The following PRELID2 variants were observed in gnomAD, a reference collection of about 807,000 sequenced individuals.
PRELID2 encodes PRELI domain containing 2.
In PRELID2, 25 loss-of-function variants were observed where a neutral mutation model predicts 28.4. The observed-to-expected ratio is 0.88, with a 90% CI of 0.64 to 1.23. The LOEUF (loss-of-function observed/expected upper bound fraction) is 1.23. Among genes scored for constraint, PRELID2 ranks in the 50% most tolerant of loss-of-function variants. PRELID2 has a pLI of 0.00. For missense variants in PRELID2, 201 were observed against 214.4 expected (o/e 0.94, Z 0.39); for synonymous variants, 76 against 71.6 (o/e 1.06, Z -0.31).
chr5:145,466,070 T>C, the PRELID2 span, among the ~76,000 whole-genome samples: 3 of 152,220 alleles, frequency 2.0e-5, no homozygotes, highest in East Asian at 5.8e-4. Flanking sequence ...AGATTTTTCT[T>C]TCTGCTGCTG....
chr5:145,329,370 C>A, the PRELID2 span, among the ~76,000 whole-genome samples: 1 of 152,076 alleles, frequency 6.6e-6, no homozygotes, highest in Non-Finnish European at 1.5e-5. Context: ...TTACTTTGGG[C>A]AGTATGGCCA....
chr5:145,397,972 T>C, the PRELID2 span, among the ~76,000 whole-genome samples: 1 of 152,146 alleles, frequency 6.6e-6, no homozygotes, highest in Non-Finnish European at 1.5e-5. Context: ...CGATGGCTGG[T>C]GAAATAATTT....
chr5:145,499,098 A>T (rs1248560429), intron 1 of PRELID2, among the ~76,000 whole-genome samples: 1 of 152,110 alleles, frequency 6.6e-6, no homozygotes, highest in African/African-American at 2.4e-5. Context: ...AAGCTAAAAA[A>T]TTAGCCGGGT....
At chr5:145,333,011 C>T in the PRELID2 span, among the ~76,000 whole-genome samples, 1 of 152,196 alleles carries the variant, frequency 6.6e-6, no homozygotes, top group South Asian at 2.1e-4. Context: ...AGTTTTCCTT[C>T]TAACAGTCAA....
intron 1 of PRELID2, chr5:145,728,322 A>C: frequency 3.3e-6 from 1 of 304,814 alleles, no homozygotes; most frequent in Non-Finnish European, 6.4e-6. Flanking sequence ...CTGTCTATCT[A>C]TCTCTATTTA....
chr5:145,708,328 C>A (rs1054677884), intron 1 of PRELID2, among the ~76,000 whole-genome samples: 1 of 151,554 alleles, frequency 6.6e-6, no homozygotes, highest in Admixed American at 6.6e-5. Context: ...TAGATTCTAA[C>A]TCTTATTATT....
the PRELID2 span, among the ~76,000 whole-genome samples, chr5:145,246,944 C>A: frequency 3.3e-5 from 5 of 152,142 alleles, no homozygotes; most frequent in Admixed American, 2.0e-4. Context: ...CTTTGCAGGA[C>A]TAACAAATTA....
chr5:145,300,415 G>C, the PRELID2 span, among the ~76,000 whole-genome samples: 44 of 152,096 alleles, frequency 2.9e-4, no homozygotes, highest in African/African-American at 1.0e-3. Context: ...AGTATAAAAA[G>C]TTTAAGAATG....
intron 1 of PRELID2, among the ~76,000 whole-genome samples, chr5:145,665,289 A>T (rs1238013552): frequency 6.6e-6 from 1 of 152,090 alleles, no homozygotes; most frequent in Admixed American, 6.6e-5. Context: ...TTTCAATGTG[A>T]GCAGCAGAAT....
At chr5:145,403,469 T>A in the PRELID2 span, among the ~76,000 whole-genome samples, 2 of 152,230 alleles carry the variant, frequency 1.3e-5, no homozygotes, top group African/African-American at 4.8e-5. Flanking sequence ...GTAGCCAGTA[T>A]GAAGAATGGG....
In PRELID2 at chr5:145,589,823, G is replaced by A. The variant is rs574015088; in HGVS notation, n.71-116508C>T. Among the ~76,000 whole-genome samples, 60 of 151,940 alleles carry A rather than the reference G, an allele frequency of 3.9e-4. 1 individual carries two copies. The highest frequency in any genetic ancestry group is 1.4e-3 in the African/African-American group (59 of 41,434). On this transcript the variant is annotated intron_variant and non_coding_transcript_variant, in intron 1 of 2. Transcript: ENST00000510259. ...TTCCTTCTAGTATTTTATGGTTTGG[G>A]TTTTTATGTTAAGTTTGTAAATCCA...
intron 1 of PRELID2, among the ~76,000 whole-genome samples, chr5:145,501,528 G>C (rs1490266076): frequency 6.6e-6 from 1 of 152,130 alleles, no homozygotes; most frequent in Non-Finnish European, 1.5e-5. Flanking sequence ...CTTGTGGTGT[G>C]AATAAGTCTC....
chr5:145,667,669 G>A (rs994033300), intron 1 of PRELID2, among the ~76,000 whole-genome samples: 1 of 152,152 alleles, frequency 6.6e-6, no homozygotes, highest in South Asian at 2.1e-4. Context: ...GACAGGTCTA[G>A]GATCAAACTC....
chr5:145,742,070 T>G (rs1175179200), intron 1 of PRELID2, among the ~76,000 whole-genome samples: 90 of 37,144 alleles, frequency 2.4e-3, no homozygotes, highest in Non-Finnish European at 4.4e-3. Flanking sequence ...TTATTTATAA[T>G]TATACGTAAT....
the PRELID2 span, among the ~76,000 whole-genome samples, chr5:145,304,204 G>A: frequency 1.3e-5 from 2 of 152,010 alleles, no homozygotes; most frequent in South Asian, 2.1e-4. Context: ...TACAAGTAAT[G>A]TCCTAATGCC....
At chr5:145,627,250 A>G (rs1425775141) in intron 1 of PRELID2, among the ~76,000 whole-genome samples, 1 of 151,974 alleles carries the variant, frequency 6.6e-6, no homozygotes, top group Non-Finnish European at 1.5e-5. Flanking sequence ...CTTTAATGAA[A>G]TGATTCAGAA....
At chr5:145,644,970 G>A (rs780675627) in intron 1 of PRELID2, among the ~76,000 whole-genome samples, 3 of 152,182 alleles carry the variant, frequency 2.0e-5, no homozygotes, top group African/African-American at 7.2e-5. Context: ...GTGATGAGGT[G>A]CTAAAAAGAA....
intron 1 of PRELID2, among the ~76,000 whole-genome samples, chr5:145,529,001 C>T (rs1035819264): frequency 1.3e-5 from 2 of 152,180 alleles, no homozygotes; most frequent in Admixed American, 6.6e-5. Flanking sequence ...TACCCAACAT[C>T]TCCCTCCGTT....
At chr5:145,722,980 C>T (rs1756034215) in intron 1 of PRELID2, among the ~76,000 whole-genome samples, 1 of 151,634 alleles carries the variant, frequency 6.6e-6, no homozygotes, top group Non-Finnish European at 1.5e-5. Flanking sequence ...CCAGAGAGAC[C>T]CGATGTTACA....
Sources: gnomAD v4.1 joint callset for allele counts (sites outside exome capture counted in the v4.1 genomes callset) on GRCh38, gnomAD v4.1.1 for gene constraint, MANE v1.5 for transcripts, NCBI Gene and HGNC (gene_info 2026-07-23, HGNC 2026-07-21) for gene names.